The following KCNMB2 variants were observed in gnomAD, a reference collection of about 807,000 sequenced individuals.
KCNMB2 encodes the protein potassium calcium-activated channel subfamily M regulatory beta subunit 2, also known as calcium-activated potassium channel subunit beta-2.
KCNMB2 carries 9 observed loss-of-function variants against 24.5 expected under a neutral mutation model. That is an observed-to-expected ratio of 0.37 (90% confidence interval 0.22 to 0.64). KCNMB2 has a LOEUF of 0.64. Ranked by LOEUF, KCNMB2 falls within the 30% of genes least tolerant of loss-of-function variation. The pLI, the probability that KCNMB2 is intolerant of heterozygous loss-of-function variation, is 0.63. For synonymous variants in KCNMB2, 109 were observed against 104.4 expected, an observed-to-expected ratio of 1.04 and a Z score of -0.27; for missense variants, 226 against 284.3, an observed-to-expected ratio of 0.79 and a Z score of 1.47.
chr3:178,720,081 T>G (rs1278638876), intron 1 of KCNMB2, among the ~76,000 whole-genome samples: 1 of 152,136 alleles, frequency 6.6e-6, no homozygotes. Flanking sequence ...CTGCTCCCAT[T>G]AACTCGTCAT....
chr3:178,652,116 T>C (rs1283366499), intron 1 of KCNMB2, among the ~76,000 whole-genome samples: 1 of 152,114 alleles, frequency 6.6e-6, no homozygotes, highest in Non-Finnish European at 1.5e-5. Context: ...AAAGAAACTG[T>C]CGTCAGAGTG....
At chr3:178,701,976 T>G (rs1722114031) in intron 1 of KCNMB2, among the ~76,000 whole-genome samples, 1 of 152,094 alleles carries the variant, frequency 6.6e-6, no homozygotes, top group Non-Finnish European at 1.5e-5. Context: ...TAAAGACACA[T>G]GCACACGTAC....
At chr3:178,548,157 T>C (rs181706805) in intron 1 of KCNMB2, among the ~76,000 whole-genome samples, 2 of 152,356 alleles carry the variant, frequency 1.3e-5, no homozygotes, top group African/African-American at 4.8e-5. Flanking sequence ...GTGGTAGTTA[T>C]TGAATCACCT....
intron 1 of KCNMB2, among the ~76,000 whole-genome samples, chr3:178,626,206 CAG>C (rs1308161859): frequency 6.6e-6 from 1 of 152,158 alleles, no homozygotes; most frequent in Non-Finnish European, 1.5e-5. Flanking sequence ...GACCTGGAGT[CAG>C]AGAGACTTGA....
chr3:178,653,676 T>C (rs1247501765), intron 1 of KCNMB2, among the ~76,000 whole-genome samples: 1 of 152,136 alleles, frequency 6.6e-6, no homozygotes, highest in African/African-American at 2.4e-5. Flanking sequence ...AAATAATTTT[T>C]TCTCTATTAA....
intron 1 of KCNMB2, among the ~76,000 whole-genome samples, chr3:178,673,460 T>C (rs927641779): frequency 6.6e-6 from 1 of 152,026 alleles, no homozygotes; most frequent in Non-Finnish European, 1.5e-5. Flanking sequence ...TGAAAAAAAA[T>C]AGAAGCAACC....
At chr3:178,670,638 G>A (rs942332689) in intron 1 of KCNMB2, among the ~76,000 whole-genome samples, 2 of 152,070 alleles carry the variant, frequency 1.3e-5, no homozygotes, top group Non-Finnish European at 2.9e-5. Context: ...CCATTTTACA[G>A]GTAATAAAAC....
rs200106452 is a variant in KCNMB2, at chr3:178,570,515, CTTTTTTTTTT to C, written c.-68+33820_-68+33829del. 1.0e-3 allele frequency among the ~76,000 whole-genome samples: 120 copies of C among 114,654 alleles called. 1 individual carries two copies. Among genetic ancestry groups the C allele is most frequent in the Non-Finnish European group, 4.0e-4 (22 of 54,380 alleles). 75.2% of individuals were successfully genotyped at this position (114,654 alleles called of 152,430 possible). On this transcript the variant is annotated intron_variant, in intron 1 of 4. Transcript: ENST00000452583. ...GAACATTGACCAAAGGTAATGATAC[CTTTTTTTTTT>C]TTTTTTTTTTTTTTTGCTCTTGGTA...
chr3:178,729,771 C>A (rs1577131886), intron 1 of KCNMB2, among the ~76,000 whole-genome samples: 1 of 152,186 alleles, frequency 6.6e-6, no homozygotes, highest in African/African-American at 2.4e-5. Context: ...CTTTCCCAGG[C>A]ACTTCCTGGA....
intron 1 of KCNMB2, among the ~76,000 whole-genome samples, chr3:178,562,880 C>T (rs1716374808): frequency 1.3e-5 from 2 of 152,168 alleles, no homozygotes. Flanking sequence ...CTGATGAAAC[C>T]TTGAAGCTGG....
intron 1 of KCNMB2, among the ~76,000 whole-genome samples, chr3:178,718,061 C>G (rs978169435): frequency 6.6e-6 from 1 of 152,160 alleles, no homozygotes; most frequent in Non-Finnish European, 1.5e-5. Context: ...ATAGAGTTTA[C>G]TTTCATGCAT....
intron 1 of KCNMB2, among the ~76,000 whole-genome samples, chr3:178,785,334 A>G (rs1439815450): frequency 6.6e-6 from 1 of 151,970 alleles, no homozygotes; most frequent in Admixed American, 6.6e-5. Context: ...TAATAATACA[A>G]TTTAAAATAC....
intron 1 of KCNMB2, among the ~76,000 whole-genome samples, chr3:178,708,210 A>G (rs1281690275): frequency 6.6e-6 from 1 of 152,024 alleles, no homozygotes; most frequent in African/African-American, 2.4e-5. Flanking sequence ...CTAGGTAATC[A>G]TTTTTAAGTG....
chr3:178,839,272 G>A (rs1298149046), intron 4 of KCNMB2, among the ~76,000 whole-genome samples: 1 of 151,170 alleles, frequency 6.6e-6, no homozygotes, highest in Non-Finnish European at 1.5e-5. Context: ...TTTCCTCAGA[G>A]ATAGCTTTTT....
intron 1 of KCNMB2, among the ~76,000 whole-genome samples, chr3:178,609,962 G>C (rs1718423717): frequency 6.6e-6 from 1 of 152,142 alleles, no homozygotes; most frequent in Admixed American, 6.6e-5. Flanking sequence ...TGTATGGTAA[G>C]AGACAAAGTT....
At chr3:178,630,880 T>A (rs958001163) in intron 1 of KCNMB2, among the ~76,000 whole-genome samples, 1 of 152,200 alleles carries the variant, frequency 6.6e-6, no homozygotes, top group African/African-American at 2.4e-5. Flanking sequence ...CTGGAATTGT[T>A]TTTAAGAAAA....
At chr3:178,764,218 T>C (rs144157587) in intron 1 of KCNMB2, among the ~76,000 whole-genome samples, 65 of 152,336 alleles carry the variant, frequency 4.3e-4, no homozygotes, top group African/African-American at 1.4e-3. Flanking sequence ...TAACAAGAAA[T>C]GTGGTGGCAC....
At chr3:178,651,544 T>G (rs768126520) in intron 1 of KCNMB2, among the ~76,000 whole-genome samples, 8 of 152,296 alleles carry the variant, frequency 5.3e-5, no homozygotes, top group Admixed American at 2.6e-4. Context: ...ACCATTGACT[T>G]TCTTCACAGA....
intron 1 of KCNMB2, among the ~76,000 whole-genome samples, chr3:178,776,964 C>T (rs1429678322): frequency 6.6e-6 from 1 of 152,022 alleles, no homozygotes; most frequent in African/African-American, 2.4e-5. Flanking sequence ...TTTCCGGCAA[C>T]TACATTAATT....
Sources: gnomAD v4.1 joint callset for allele counts (sites outside exome capture counted in the v4.1 genomes callset) on GRCh38, gnomAD v4.1.1 for gene constraint, MANE v1.5 for transcripts, NCBI Gene and HGNC (gene_info 2026-07-23, HGNC 2026-07-21) for gene names.